BMX: variants seen among roughly 807,000 people sequenced by gnomAD.
BMX encodes BMX non-receptor tyrosine kinase.
Under a neutral mutation model 59.2 loss-of-function variants are expected in BMX, and 31 were observed. The ratio of observed to expected loss-of-function variants is 0.52; its 90% confidence interval spans 0.39 to 0.71. The LOEUF (loss-of-function observed/expected upper bound fraction) is 0.71, where lower values mean the gene tolerates loss of function less well. Among genes scored for constraint, BMX ranks in the 30% least tolerant of loss-of-function variants. BMX has a pLI of 0.00. For missense variants in BMX, 474 were observed against 491.7 expected (o/e 0.96, Z 0.34); for synonymous variants, 185 against 181.0 (o/e 1.02, Z -0.18).
intron 11 of BMX, among the ~76,000 whole-genome samples, chrX:15,532,793 T>C (rs1399544259): frequency 1.8e-5 from 2 of 112,794 alleles, no homozygotes; most frequent in East Asian, 2.8e-4. Context: ...CCAGAATCCA[T>C]GTCCCCAGTG....
At chrX:15,507,202 C>T in intron 1 of BMX, 1 of 353,511 alleles carries the variant, frequency 2.8e-6, no homozygotes, top group Non-Finnish European at 3.7e-6. Flanking sequence ...GCTTGGCGCC[C>T]GCCTCCATGC....
intron 16 of BMX, among the ~76,000 whole-genome samples, chrX:15,545,808 G>A (rs1925922862): frequency 9.0e-6 from 1 of 111,531 alleles, no homozygotes; most frequent in Non-Finnish European, 1.9e-5. Context: ...CTCCTGCCCT[G>A]CTCATGTCTG....
chrX:15,539,030 C>A (rs1010683915), intron 14 of BMX, among the ~76,000 whole-genome samples: 3 of 111,252 alleles, frequency 2.7e-5, no homozygotes, highest in Non-Finnish European at 5.7e-5. Flanking sequence ...AGGATTCCTG[C>A]ATTTTCATTT....
rs762070386 is a variant in BMX at position 15,549,942 on chromosome X, G to A, written c.1898G>A (p.Arg633Gln). 18 of 1,207,038 alleles carry A rather than the reference G, an allele frequency of 1.5e-5. No homozygotes were observed. Among genetic ancestry groups the A allele is most frequent in the South Asian group, 3.6e-5 (2 of 56,153 alleles). The change falls in exon 18 of 19, where the codon CGG becomes CAG. Residue 633 changes from arginine to glutamine, a missense_variant. Arg to Gln is a conservative substitution (Grantham distance 43). Transcript: ENST00000348343. ...GTCTCCCAGGGCCACAGGCTTTACC[G>A]GCCCCACCTGGCATCGGACACCATC... is the stretch of plus-strand genomic sequence containing the variant. ...LKVSQGHRLY[R>Q]PHLASDTIYQ...
intron 11 of BMX, 49 bp downstream of exon 11, chrX:15,531,456 T>A: frequency 1.0e-6 from 1 of 974,720 alleles, no homozygotes. Context: ...GTATATTCTT[T>A]GAATATGCTG....
chrX:15,504,036 C>A (rs1173201820), intron 1 of BMX, among the ~76,000 whole-genome samples: 1 of 111,700 alleles, frequency 9.0e-6, no homozygotes. Flanking sequence ...ATAGTGAGCC[C>A]TCCTTAAGCA....
At chrX:15,507,455 T>C (rs2060812291) in intron 1 of BMX, 1 of 601,637 alleles carries the variant, frequency 1.7e-6, no homozygotes, top group Admixed American at 8.9e-5. Context: ...TTTTAACTAT[T>C]GGGCATGTGA....
chrX:15,545,831 T>C (rs1450052044), intron 16 of BMX, among the ~76,000 whole-genome samples: 4 of 111,734 alleles, frequency 3.6e-5, no homozygotes, highest in Non-Finnish European at 7.5e-5. Flanking sequence ...TAGCTACCTA[T>C]TCTGACAGAA....
chrX:15,509,670 A>G (rs926448064), intron 3 of BMX, among the ~76,000 whole-genome samples: 1 of 111,325 alleles, frequency 9.0e-6, no homozygotes, highest in African/African-American at 3.3e-5. Context: ...GACCTGCCTC[A>G]GGTCTGATCA....
At chrX:15,547,535 C>T (rs1019432695) in intron 17 of BMX, among the ~76,000 whole-genome samples, 7 of 111,683 alleles carry the variant, frequency 6.3e-5, no homozygotes, top group Non-Finnish European at 1.1e-4. Context: ...AACCACAGCC[C>T]AGGACCAGGT....
At chrX:15,536,297 T>C (rs1925339087) in intron 12 of BMX, 56 bp from the exon 13 acceptor site, 1 of 1,134,332 alleles carries the variant, frequency 8.8e-7, no homozygotes, top group Non-Finnish European at 1.2e-6. Context: ...CAATGTTACA[T>C]AATGTGATGG....
In BMX at chrX:15,530,330, A is replaced by C. The variant is rs752039418; in HGVS notation, c.939+303A>C. 7.2e-5 allele frequency among the ~76,000 whole-genome samples: 8 copies of C among 111,170 alleles called. No individual in the cohort carries two copies. The South Asian group carries it at 1.1e-3, about 16-fold the overall frequency. On this transcript the variant is annotated intron_variant, in intron 10 of 18. Coordinates refer to ENST00000348343, the MANE Select transcript of BMX (RefSeq NM_203281.3). The stretch of plus-strand genomic sequence containing the variant: ...TCTTAGGCAAGTTTTGCTTAGGGGC[A>C]CTCCTGTGGCTGCATTTGGGTCGTG...
At chrX:15,517,333 T>C (rs1042933556) in intron 5 of BMX, among the ~76,000 whole-genome samples, 1 of 112,096 alleles carries the variant, frequency 8.9e-6, no homozygotes, top group Admixed American at 9.4e-5. Context: ...CTCCTTATGG[T>C]ATTAATCATT....
rs770977325 is a variant in BMX at position 15,556,084 on chromosome X, G to A, written c.1965G>A (p.Lys655=). The change falls in exon 19 of 19, where the codon AAG becomes AAA. Residue 655 remains lysine, a synonymous_variant. Coordinates refer to ENST00000348343, the MANE Select transcript of BMX (RefSeq NM_203281.3). ...MYSCWHELPE[K]RPTFQQLLSS... Reference sequence around the variant, plus strand: ...TTGTTTTTGTTTAGCTTCCAGAAAAGCGTCCCACATTTCAGCAACTCCTGT... The same window carrying A: ...TTGTTTTTGTTTAGCTTCCAGAAAAACGTCCCACATTTCAGCAACTCCTGT... 3 of 1,205,276 alleles carry A rather than the reference G, an allele frequency of 2.5e-6. No individual in the cohort carries two copies. Among genetic ancestry groups the A allele is most frequent in the Middle Eastern group, 2.3e-4 (1 of 4,316 alleles).
intron 9 of BMX, among the ~76,000 whole-genome samples, chrX:15,527,756 T>C (rs1924865099): frequency 8.9e-6 from 1 of 111,883 alleles, no homozygotes; most frequent in African/African-American, 3.3e-5. Context: ...ACCTGTTGCA[T>C]TGGGGAAGAT....
At chrX:15,531,276 C>A (rs1397517267) in intron 10 of BMX, 52 bp from the exon 11 acceptor site, 57 of 1,051,324 alleles carry the variant, frequency 5.4e-5, no homozygotes, top group Non-Finnish European at 7.1e-5. Context: ...AAATCATTTT[C>A]AAGAATGATG....
intron 11 of BMX, 47 bp downstream of exon 11, chrX:15,531,454 T>G (rs1319139232): frequency 1.0e-6 from 1 of 983,917 alleles, no homozygotes; most frequent in African/African-American, 1.9e-5. Context: ...GCGTATATTC[T>G]TTGAATATGC....
chrX:15,547,411 G>A (rs1007861865), intron 17 of BMX, among the ~76,000 whole-genome samples: 2 of 112,212 alleles, frequency 1.8e-5, no homozygotes, highest in African/African-American at 3.2e-5. Context: ...TCCCTTCTGC[G>A]CTGACCAATT....
chrX:15,508,537 T>A, intron 2 of BMX, 46 bp downstream of exon 2: 1 of 1,009,047 alleles, frequency 9.9e-7, no homozygotes, highest in Non-Finnish European at 1.3e-6. Flanking sequence ...TTATTATTTT[T>A]CCTAAGTCTC....
Sources: allele counts gnomAD v4.1 joint callset (sites outside exome capture counted in the v4.1 genomes callset), GRCh38; gene constraint gnomAD v4.1.1; transcripts MANE v1.5; gene names NCBI Gene and HGNC (gene_info 2026-07-23, HGNC 2026-07-21).